PPP2R5C: variants seen among roughly 807,000 people sequenced by gnomAD.
The protein encoded by PPP2R5C is serine/threonine-protein phosphatase 2A 56 kDa regulatory subunit gamma isoform.
PPP2R5C carries 7 observed loss-of-function variants against 68.9 expected under a neutral mutation model. The ratio of observed to expected loss-of-function variants is 0.10; its 90% confidence interval spans 0.06 to 0.19. PPP2R5C has a LOEUF of 0.19. Among genes scored for constraint, PPP2R5C ranks in the 10% least tolerant of loss-of-function variants. PPP2R5C has a pLI of 1.00. For missense variants in PPP2R5C, 348 were observed against 641.3 expected, an observed-to-expected ratio of 0.54 and a Z score of 4.94; for synonymous variants, 210 against 222.2, an observed-to-expected ratio of 0.95 and a Z score of 0.49.
chr14:101,842,133 A>T (rs184234410), intron 1 of PPP2R5C, among the ~76,000 whole-genome samples: 9 of 152,272 alleles, frequency 5.9e-5, no homozygotes, highest in Non-Finnish European at 1.0e-4. Flanking sequence ...AAACACTAGA[A>T]TGTTACTCAT....
intron 11 of PPP2R5C, among the ~76,000 whole-genome samples, chr14:101,910,306 GATTTT>G (rs1025440939): frequency 8.5e-5 from 13 of 152,158 alleles, no homozygotes; most frequent in African/African-American, 3.1e-4. Flanking sequence ...ACTATTGGCA[GATTTT>G]ATTTTTTGCT....
chr14:101,826,919 A>T, intron 1 of PPP2R5C, among the ~76,000 whole-genome samples: 1 of 149,708 alleles, frequency 6.7e-6, no homozygotes, highest in Non-Finnish European at 1.5e-5. Flanking sequence ...AGCTATTTGA[A>T]TTTAGTATTC....
At chr14:101,843,478 C>T (rs2041626960) in intron 1 of PPP2R5C, 1 of 187,124 alleles carries the variant, frequency 5.3e-6, no homozygotes, top group Admixed American at 5.6e-5. Context: ...ATTTTCTTGG[C>T]TTCCACTCTG....
At chr14:101,820,752 A>C (rs966627901) in intron 1 of PPP2R5C, 1 of 152,250 alleles carries the variant, frequency 6.6e-6, no homozygotes, top group Admixed American at 6.5e-5. Flanking sequence ...TTGAAGATAC[A>C]TGCAAAAATG....
intron 9 of PPP2R5C, among the ~76,000 whole-genome samples, chr14:101,902,607 A>C (rs2045757450): frequency 6.6e-6 from 1 of 152,210 alleles, no homozygotes; most frequent in South Asian, 2.1e-4. Flanking sequence ...AGCAGGCCAC[A>C]CAGTGGAAGA....
At chr14:101,767,949 C>T (rs1382793709) in intron 2 of PPP2R5C, among the ~76,000 whole-genome samples, 3 of 152,150 alleles carry the variant, frequency 2.0e-5, no homozygotes, top group Non-Finnish European at 4.4e-5. Flanking sequence ...GCTGCAAGGT[C>T]GGTAGACCCC....
intron 2 of PPP2R5C, 64 bp downstream of exon 4, chr14:101,856,949 C>T: frequency 4.1e-6 from 6 of 1,477,806 alleles, no homozygotes; most frequent in Non-Finnish European, 5.7e-6. Flanking sequence ...AGGCCAAGAT[C>T]TCTGAGCCTA....
intron 2 of PPP2R5C, among the ~76,000 whole-genome samples, chr14:101,864,623 T>C (rs2042947796): frequency 6.6e-6 from 1 of 152,026 alleles, no homozygotes; most frequent in South Asian, 2.1e-4. Flanking sequence ...CAGCGGCCAG[T>C]GCTTCAGGAC....
At chr14:101,842,445 T>C (rs1229800688) in intron 1 of PPP2R5C, among the ~76,000 whole-genome samples, 1 of 152,170 alleles carries the variant, frequency 6.6e-6, no homozygotes, top group East Asian at 1.9e-4. Context: ...TGGAGCATCC[T>C]GAGGAAAGGG....
At chr14:101,871,240 G>A (rs991697388) in intron 2 of PPP2R5C, among the ~76,000 whole-genome samples, 2 of 126,946 alleles carry the variant, frequency 1.6e-5, no homozygotes, top group Non-Finnish European at 3.2e-5. Flanking sequence ...TGTTGTTGTT[G>A]TTGTTGTTGT....
intron 2 of PPP2R5C, among the ~76,000 whole-genome samples, chr14:101,770,546 C>T (rs554902808): frequency 4.7e-4 from 72 of 152,278 alleles, no homozygotes; most frequent in Non-Finnish European, 8.1e-4. Flanking sequence ...TCTAGGGAGA[C>T]ACGGGCTTAC....
At position 101,871,231 on chromosome 14, in the gene PPP2R5C, GTTGTTGTTGTTGTT is replaced by G. The variant is rs1566926066; in HGVS notation, c.295-10929_295-10916del. The stretch of plus-strand genomic sequence containing the variant: ...TTGGTTTTTTTTTGTTTTGGTTTTT[GTTGTTGTTGTTGTT>G]GTTGTTGTTGTTTTGAGACAGAGTC... On this transcript the variant is annotated intron_variant, in intron 2 of 13. Transcript: ENST00000334743. Among the ~76,000 whole-genome samples, 3 of 91,112 alleles carry G rather than the reference GTTGTTGTTGTTGTT, an allele frequency of 3.3e-5. No individual in the cohort carries two copies. The East Asian group carries it at 8.3e-4, about 25-fold the overall frequency. The allele number at this position is 91,112 out of a possible 152,430, so 59.8% of individuals were successfully genotyped here. A position where few individuals can be genotyped will look rare whatever the true frequency, so the allele number is the denominator to read the frequency against.
At chr14:101,843,013 C>T (rs1159928516) in intron 1 of PPP2R5C, among the ~76,000 whole-genome samples, 1 of 151,960 alleles carries the variant, frequency 6.6e-6, no homozygotes, top group Admixed American at 6.6e-5. Context: ...ATTGATTGAG[C>T]CCAGGAGTTC....
intron 3 of PPP2R5C, among the ~76,000 whole-genome samples, chr14:101,798,275 A>C (rs2038708273): frequency 6.6e-6 from 1 of 152,238 alleles, no homozygotes; most frequent in Admixed American, 6.5e-5. Flanking sequence ...ACTAAAATAG[A>C]AGCATATTTA....
At chr14:101,795,699 A>G (rs2038573136) in intron 3 of PPP2R5C, among the ~76,000 whole-genome samples, 1 of 152,212 alleles carries the variant, frequency 6.6e-6, no homozygotes, top group South Asian at 2.1e-4. Context: ...TTTGTGAAAG[A>G]AGTCATTACA....
chr14:101,821,447 G>GT (rs1566870055), intron 1 of PPP2R5C, among the ~76,000 whole-genome samples: 3,420 of 102,882 alleles, frequency 0.033, 162 homozygotes, highest in African/African-American at 0.12. Context: ...GGGGGTGGGT[G>GT]GGTGGGTGTG....
At chr14:101,762,510 G>C (rs181668015) in intron 1 of PPP2R5C, among the ~76,000 whole-genome samples, 8 of 152,032 alleles carry the variant, frequency 5.3e-5, no homozygotes, top group Non-Finnish European at 1.0e-4. Flanking sequence ...TTTGCATTCG[G>C]GGGGGCGGGT....
intron 3 of PPP2R5C, among the ~76,000 whole-genome samples, chr14:101,803,592 C>A (rs1387049265): frequency 6.6e-6 from 1 of 151,952 alleles, no homozygotes; most frequent in Non-Finnish European, 1.5e-5. Context: ...GGCGTGGTGG[C>A]GGGCACCTGT....
At chr14:101,823,741 C>G (rs1393252873) in intron 1 of PPP2R5C, 1 of 1,038,860 alleles carries the variant, frequency 9.6e-7, no homozygotes, top group South Asian at 3.1e-5. Context: ...GGTTTTCTGA[C>G]TCACGGTTCT....
Sources: gnomAD v4.1 joint callset for allele counts (sites outside exome capture counted in the v4.1 genomes callset) on GRCh38, gnomAD v4.1.1 for gene constraint, MANE v1.5 for transcripts, NCBI Gene and HGNC (gene_info 2026-07-23, HGNC 2026-07-21) for gene names.